The following GTSE1 variants were observed in gnomAD, a reference collection of about 807,000 sequenced individuals.
GTSE1 encodes G2 and S phase-expressed protein 1.
Under a neutral mutation model 60.5 loss-of-function variants are expected in GTSE1, and 52 were observed. That is an observed-to-expected ratio of 0.86 (90% CI 0.69 to 1.08). The LOEUF is 1.08. GTSE1 is among the 50% of genes least tolerant of loss of function. The probability of loss-of-function intolerance (pLI) is 0.00; values close to 1 mark genes in which losing one functional copy is unlikely to be tolerated. For synonymous variants in GTSE1, 368 were observed against 386.5 expected (o/e 0.95, Z 0.56); for missense variants, 937 against 961.8 (o/e 0.97, Z 0.34).
Position 46,330,148 on chromosome 22 carries a change from G to A in GTSE1, c.*18G>A, listed in dbSNP as rs367775527. 1.3e-6 allele frequency: 2 copies of A among 1,513,462 alleles called. No individual in the cohort carries two copies. The highest frequency in any genetic ancestry group is 9.2e-7 in the Non-Finnish European group (1 of 1,087,998). 93.8% of individuals were successfully genotyped at this position (1,513,462 alleles called of 1,614,324 possible). ...AGTTCTAAGCCGAACCAAATCCTTT[G>A]CCTTGAAAGAACAGCCCTAAAGTGG... On this transcript the variant is annotated 3_prime_UTR_variant, in exon 12 of 12. Coordinates refer to ENST00000454366, the MANE Select transcript of GTSE1 (RefSeq NM_016426.7). The surrounding 1 kb of genome is among the most constrained non-coding windows in gnomAD (Gnocchi z 6.0).
chr22:46,298,563 C>T (rs982611295), intron 2 of GTSE1, among the ~76,000 whole-genome samples: 2 of 152,154 alleles, frequency 1.3e-5, no homozygotes, highest in African/African-American at 2.4e-5. Flanking sequence ...CTGCCTAGGC[C>T]TCCCAAAGTA....
rs1389576647 is a variant in GTSE1 at position 46,297,355 on chromosome 22, T to C, written c.-21-25T>C. On this transcript the variant is annotated intron_variant, in intron 1 of 11. Coordinates refer to ENST00000454366, the MANE Select transcript of GTSE1 (RefSeq NM_016426.7). The surrounding 1 kb of genome is among the most constrained non-coding windows in gnomAD (Gnocchi z 4.9). ...GCCCTGGGCCCTGACACGTACTCAC[T>C]TTCTGGCCCCGTTCCACCCTGCAGT... The C allele has an allele frequency of 2.2e-6, 3 of 1,356,668 alleles. No homozygotes were observed. In the African/African-American group the frequency reaches 4.3e-5, roughly 19 times the overall value. 84.0% of individuals were successfully genotyped at this position (1,356,668 alleles called of 1,614,324 possible). A position where few individuals can be genotyped will look rare whatever the true frequency, so the allele number is the denominator to read the frequency against.
Position 46,328,765 on chromosome 22 carries a change from C to A in GTSE1, c.1802C>A (p.Pro601His), listed in dbSNP as rs779479450. ...VDVSPDRGSP[P>H]SRVPQALNFS... is the part of the protein sequence containing the mutation. ...GTGTCCCCTGACAGGGGTTCTCCTC[C>A]TTCCCGTGTGCCTCAGGCACTTAAC... Residue 601 changes from proline to histidine, a missense_variant, in exon 10 of 12, where the codon CCT (proline) becomes CAT (histidine). Transcript: ENST00000454366. 6.2e-7 allele frequency: 1 copy of A among 1,613,594 alleles called. No homozygotes were observed. Among genetic ancestry groups the A allele is most frequent in the Admixed American group, 1.7e-5 (1 of 60,036 alleles).
At position 46,304,726 on chromosome 22, in the gene GTSE1, C is replaced by G. The variant is rs144804540; in HGVS notation, c.80-3424C>G. 2.0e-5 allele frequency among the ~76,000 whole-genome samples: 3 copies of G among 152,264 alleles called. No homozygotes were observed. In the East Asian group the frequency reaches 5.8e-4, roughly 29 times the overall value. Reference sequence around the variant, plus strand: ...AGGTGTGGTAGCTCATACCTGTAATCCCAGCACTTTGGGAGGCCAAGGTAG... The same window carrying G: ...AGGTGTGGTAGCTCATACCTGTAATGCCAGCACTTTGGGAGGCCAAGGTAG... On this transcript the variant is annotated intron_variant, in intron 2 of 11. Transcript: ENST00000454366. The surrounding 1 kb of genome is among the most constrained non-coding windows in gnomAD (Gnocchi z 4.4).
At chr22:46,323,734 CTGG>C (rs1424607648) in intron 8 of GTSE1, among the ~76,000 whole-genome samples, 2 of 152,154 alleles carry the variant, frequency 1.3e-5, no homozygotes, top group Non-Finnish European at 2.9e-5. Flanking sequence ...GTCGCCCAGG[CTGG>C]AGTGCAGTGG....
At chr22:46,312,959 T>C (rs2077757451) in intron 5 of GTSE1, among the ~76,000 whole-genome samples, 1 of 151,958 alleles carries the variant, frequency 6.6e-6, no homozygotes, top group Non-Finnish European at 1.5e-5. Flanking sequence ...GCCCAGGAGT[T>C]TGAGACCAGC....
In GTSE1 at chr22:46,324,855, T is replaced by C. The variant is rs1191093093; in HGVS notation, c.1506-1581T>C. Among the ~76,000 whole-genome samples, 2 of 152,152 alleles carry C rather than the reference T, an allele frequency of 1.3e-5. No individual in the cohort carries two copies. Among genetic ancestry groups the C allele is most frequent in the East Asian group, 3.9e-4 (2 of 5,192 alleles). On this transcript the variant is annotated intron_variant, in intron 8 of 11. Coordinates refer to ENST00000454366, the MANE Select transcript of GTSE1 (RefSeq NM_016426.7). This position sits in a 1 kb window ranked among gnomAD's most constrained non-coding sequence, Gnocchi z 5.2. ...TTTCTTCCATTTAAATAGGCTAGAG[T>C]CAGTCTGTTTTCAGGCTCCTTTTGA...
rs1325252171 is a variant in GTSE1, at chr22:46,314,683, C to T, written c.1051+670C>T. On this transcript the variant is annotated intron_variant, in intron 6 of 11. Transcript: ENST00000454366. The surrounding 1 kb of genome is among the most constrained non-coding windows in gnomAD (Gnocchi z 7.1). ...TTGACCCCTGGAGTTTGAGACCAGC[C>T]TGGCCAACATGGTGAAACCCTGTCT... 6.6e-6 allele frequency among the ~76,000 whole-genome samples: 1 copy of T among 151,970 alleles called. No individual in the cohort carries two copies. The highest frequency in any genetic ancestry group is 1.5e-5 in the Non-Finnish European group (1 of 67,984).
intron 9 of GTSE1, chr22:46,327,194 C>G (rs2077849290): frequency 6.6e-6 from 1 of 151,228 alleles, no homozygotes; most frequent in Non-Finnish European, 1.5e-5. Context: ...AGAGTGAGAC[C>G]CCGTCTGTAA....
rs1375763378 is a variant in GTSE1, at chr22:46,309,209, G to A, written c.762+266G>A. 6.6e-6 allele frequency among the ~76,000 whole-genome samples: 1 copy of A among 152,238 alleles called. No homozygotes were observed. Among genetic ancestry groups the A allele is most frequent in the Non-Finnish European group, 1.5e-5 (1 of 68,044 alleles). On this transcript the variant is annotated intron_variant, in intron 4 of 11. Coordinates refer to ENST00000454366, the MANE Select transcript of GTSE1 (RefSeq NM_016426.7). This position sits in a 1 kb window ranked among gnomAD's most constrained non-coding sequence, Gnocchi z 6.2. Reference sequence around the variant, plus strand: ...GTTACAATGCTGGATATACCACACAGTAGGGATTTCATTTGCTTTAATAAG... The same window carrying A: ...GTTACAATGCTGGATATACCACACAATAGGGATTTCATTTGCTTTAATAAG...
chr22:46,318,591 T>C lies in GTSE1; in HGVS notation c.1432+2179T>C, dbSNP rs2147826138. Among the ~76,000 whole-genome samples, 1 of 152,160 alleles carries C rather than the reference T, an allele frequency of 6.6e-6. No homozygotes were observed. The highest frequency in any genetic ancestry group is 6.5e-5 in the Admixed American group (1 of 15,268). ...GCATCGGGTGGTTCTTTGGCAAAGA[T>C]GGTCAGGAGGTGACACGGGACTGAG... On this transcript the variant is annotated intron_variant, in intron 7 of 11. Coordinates refer to ENST00000454366, the MANE Select transcript of GTSE1 (RefSeq NM_016426.7). The surrounding 1 kb of genome is among the most constrained non-coding windows in gnomAD (Gnocchi z 4.8).
Position 46,308,789 on chromosome 22 carries a change from C to G in GTSE1, c.608C>G (p.Pro203Arg), listed in dbSNP as rs149616575. Residue 203 changes from proline (P) to arginine (R), a missense_variant, in exon 4 of 12, where the codon CCG becomes CGG. By Grantham distance (103) the Pro-to-Arg change is moderately radical. Transcript: ENST00000454366. ...SGAQARLTRA[P>R]GPPHSAHALP... is the part of the protein sequence containing the mutation. ...GCCCAGGCCCGCCTCACCCGGGCGC[C>G]GGGGCCTCCGCACTCTGCTCATGCT... 11 of 1,613,166 alleles carry G rather than the reference C, an allele frequency of 6.8e-6. No individual in the cohort carries two copies. In the South Asian group the frequency reaches 9.9e-5, roughly 14 times the overall value.
chr22:46,325,648 AATGT>A, intron 8 of GTSE1, among the ~76,000 whole-genome samples: 1 of 152,226 alleles, frequency 6.6e-6, no homozygotes, highest in Non-Finnish European at 1.5e-5. Flanking sequence ...GGTATGCACC[AATGT>A]GCCCTCTTTT....
At chr22:46,305,047 TC>T (rs2077708509) in intron 2 of GTSE1, among the ~76,000 whole-genome samples, 1 of 152,234 alleles carries the variant, frequency 6.6e-6, no homozygotes, top group African/African-American at 2.4e-5. Context: ...TTGATCACTT[TC>T]TAGGTTTTTT....
Position 46,313,928 on chromosome 22 carries a change from T to C in GTSE1, c.966T>C (p.Ser322=), listed in dbSNP as rs773965059. ...AGACCCTGTTAAAAGCACCCGGCTC[T>C]ACCAGCAATCTCGCAAGGAAGTCCT... is the stretch of plus-strand genomic sequence containing the variant. The part of the protein sequence containing the change: ...LKKTLLKAPG[S]TSNLARKSSS... The change falls in exon 6 of 12, where the codon TCT becomes TCC. Residue 322 remains serine, a synonymous_variant. Coordinates refer to ENST00000454366, the MANE Select transcript of GTSE1 (RefSeq NM_016426.7). This position sits in a 1 kb window ranked among gnomAD's most constrained non-coding sequence, Gnocchi z 4.4. 21 of 1,614,114 alleles carry C rather than the reference T, an allele frequency of 1.3e-5. No individual in the cohort carries two copies. The African/African-American group carries it at 2.5e-4, about 19-fold the overall frequency.
In GTSE1 at chr22:46,301,477, A is replaced by C. The variant is rs1601898601; in HGVS notation, c.79+3998A>C. 9.9e-4 allele frequency among the ~76,000 whole-genome samples: 8 copies of C among 8,070 alleles called. No homozygotes were observed. The South Asian group carries it at 0.13, about 130-fold the overall frequency. 5.3% of individuals were successfully genotyped at this position (8,070 alleles called of 152,430 possible). ...AAAACTGCATTCTCAGAGCAAGTTT[A>C]TTTTTAATACTTTTTTTTTTTTTTT... On this transcript the variant is annotated intron_variant, in intron 2 of 11. Coordinates refer to ENST00000454366, the MANE Select transcript of GTSE1 (RefSeq NM_016426.7).
rs993407145 is a variant in GTSE1, at chr22:46,302,155, G to T, written c.79+4676G>T. 3.9e-5 allele frequency among the ~76,000 whole-genome samples: 6 copies of T among 152,026 alleles called. No homozygotes were observed. In the East Asian group the frequency reaches 1.2e-3, roughly 29 times the overall value. On this transcript the variant is annotated intron_variant, in intron 2 of 11. Transcript: ENST00000454366. ...AAAGTAAATAAAGAAAAATAAAAAAGAATGTTTTGTTTTATTTTCTGTGAA... is the reference window on the plus strand; with the variant it reads ...AAAGTAAATAAAGAAAAATAAAAAATAATGTTTTGTTTTATTTTCTGTGAA...
At position 46,318,404 on chromosome 22, in the gene GTSE1, G is replaced by A. The variant is rs1330355979; in HGVS notation, c.1432+1992G>A. 6.6e-6 allele frequency among the ~76,000 whole-genome samples: 1 copy of A among 152,058 alleles called. No individual in the cohort carries two copies. Among genetic ancestry groups the A allele is most frequent in the Non-Finnish European group, 1.5e-5 (1 of 68,018 alleles). ...CTTCTCTGTGCTGGAATGCTTTGGG[G>A]GACAAGGGACATCATGATAAGACAG... is the stretch of plus-strand genomic sequence containing the variant. On this transcript the variant is annotated intron_variant, in intron 7 of 11. Coordinates refer to ENST00000454366, the MANE Select transcript of GTSE1 (RefSeq NM_016426.7). The surrounding 1 kb of genome is among the most constrained non-coding windows in gnomAD (Gnocchi z 4.8).
rs566311932 is a variant in GTSE1 at position 46,321,022 on chromosome 22, CAAGG to C, written c.1433-2167_1433-2164del. On this transcript the variant is annotated intron_variant, in intron 7 of 11. Transcript: ENST00000454366. The surrounding 1 kb of genome is among the most constrained non-coding windows in gnomAD (Gnocchi z 4.0). ...GAGAGGGAGCCAACACGGGAGGCGGCAAGGGAGAGGGAGGCGGCGAGGGAGAGAG... is the reference window on the plus strand; with the variant it reads ...GAGAGGGAGCCAACACGGGAGGCGGCGAGAGGGAGGCGGCGAGGGAGAGAG... Among the ~76,000 whole-genome samples, 146 of 151,840 alleles carry C rather than the reference CAAGG, an allele frequency of 9.6e-4. No individual in the cohort carries two copies. The Middle Eastern group carries it at 0.017, about 18-fold the overall frequency.
Sources: allele counts gnomAD v4.1 joint callset (sites outside exome capture counted in the v4.1 genomes callset), GRCh38; gene constraint gnomAD v4.1.1; non-coding constraint Gnocchi (gnomAD v3.1); transcripts MANE v1.5; gene names NCBI Gene and HGNC (gene_info 2026-07-23, HGNC 2026-07-21).